Variants in VXN observed in about 807,000 individuals in gnomAD.
The protein encoded by VXN is vexin.
Under a neutral mutation model 23.1 loss-of-function variants are expected in VXN, and 7 were observed. The observed-to-expected ratio is 0.30, with a 90% CI of 0.17 to 0.57. VXN has a LOEUF of 0.57. Ranked by LOEUF, VXN falls within the 20% of genes least tolerant of loss-of-function variation. The pLI, the probability that VXN is intolerant of heterozygous loss-of-function variation, is 0.91. For synonymous variants in VXN, 120 were observed against 105.8 expected, an observed-to-expected ratio of 1.13 and a Z score of -0.83; for missense variants, 238 against 272.6, an observed-to-expected ratio of 0.87 and a Z score of 0.89.
chr8:66,503,207 A>G (rs1051882865), intron 2 of VXN, among the ~76,000 whole-genome samples: 2 of 152,172 alleles, frequency 1.3e-5, no homozygotes, highest in Admixed American at 1.3e-4. Context: ...GCACGAAACC[A>G]TGGTTCTCAT....
intron 1 of VXN, chr8:66,494,741 C>T (rs781331273): frequency 1.3e-5 from 2 of 152,192 alleles, no homozygotes; most frequent in African/African-American, 4.8e-5. Context: ...GGAATTCCCT[C>T]TGGAAACTCT....
intron 1 of VXN, among the ~76,000 whole-genome samples, chr8:66,494,005 T>C (rs1807597075): frequency 6.6e-6 from 1 of 152,140 alleles, no homozygotes; most frequent in Non-Finnish European, 1.5e-5. Context: ...CAGCAAGCCA[T>C]TGCTATGCAC....
intron 1 of VXN, chr8:66,494,515 G>A (rs1265604175): frequency 6.6e-6 from 1 of 152,402 alleles, no homozygotes; most frequent in African/African-American, 2.4e-5. Flanking sequence ...GAATGAAGTA[G>A]GCTGGGTGTT....
chr8:66,499,292 G>C (rs141698162), intron 2 of VXN, among the ~76,000 whole-genome samples: 1 of 149,558 alleles, frequency 6.7e-6, no homozygotes, highest in African/African-American at 2.5e-5. Context: ...GAGTGCAGTG[G>C]CGTGGTCTCG....
In VXN at chr8:66,502,081, A is replaced by G. The variant is rs932747513; in HGVS notation, c.127-3294A>G. Among the ~76,000 whole-genome samples, 3 of 152,202 alleles carry G rather than the reference A, an allele frequency of 2.0e-5. No homozygotes were observed. The East Asian group carries it at 5.8e-4, about 29-fold the overall frequency. ...CTTTCCTCCCTGAGCAATCCTTAAT[A>G]TCAGCTTTCCTTCTTCTCTGATTCC... is the stretch of plus-strand genomic sequence containing the variant. On this transcript the variant is annotated intron_variant, in intron 2 of 5. Coordinates refer to ENST00000305454, the MANE Select transcript of VXN (RefSeq NM_152765.4).
intron 4 of VXN, among the ~76,000 whole-genome samples, chr8:66,511,806 G>A (rs1586522236): frequency 6.6e-6 from 1 of 152,056 alleles, no homozygotes; most frequent in Admixed American, 6.6e-5. Context: ...GTGGCTCACA[G>A]CTGTAATCCC....
chr8:66,509,860 T>C lies in VXN; in HGVS notation c.281-236T>C, dbSNP rs530841257. Among the ~76,000 whole-genome samples the C allele has an allele frequency of 2.6e-5, 4 of 152,178 alleles. No homozygotes were observed. The East Asian group carries it at 5.8e-4, about 22-fold the overall frequency. On this transcript the variant is annotated intron_variant, in intron 3 of 5. Coordinates refer to ENST00000305454, the MANE Select transcript of VXN (RefSeq NM_152765.4). Reference sequence around the variant, plus strand: ...CCCCACCAGAGGGATATGTTTGTGATAGTCAATGAACCTACATAGACACAC... The same window carrying C: ...CCCCACCAGAGGGATATGTTTGTGACAGTCAATGAACCTACATAGACACAC...
chr8:66,511,551 A>T (rs1385910346), intron 4 of VXN, among the ~76,000 whole-genome samples: 1 of 152,242 alleles, frequency 6.6e-6, no homozygotes, highest in Non-Finnish European at 1.5e-5. Context: ...AGGGAAGATT[A>T]TCAGGCTATG....
intron 3 of VXN, among the ~76,000 whole-genome samples, chr8:66,506,154 G>C (rs1348701400): frequency 6.6e-6 from 1 of 151,990 alleles, no homozygotes; most frequent in African/African-American, 2.4e-5. Flanking sequence ...AATGCTGTGG[G>C]GGAGAGAAAA....
Position 66,517,681 on chromosome 8 carries a change from G to T in VXN, c.*1605G>T, listed in dbSNP as rs909411377. The stretch of plus-strand genomic sequence containing the variant: ...ATTTGTCATCTGTGGCCTAAACTCT[G>T]CCCCTGAAGGTTTGTTTTCTAATTC... On this transcript the variant is annotated 3_prime_UTR_variant, in exon 6 of 6. Transcript: ENST00000305454. The T allele has an allele frequency of 3.9e-5, 6 of 152,232 alleles. No homozygotes were observed. The highest frequency in any genetic ancestry group is 1.4e-4 in the African/African-American group (6 of 41,470). The allele number at this position is 152,232 out of a possible 1,614,324, so 9.4% of individuals were successfully genotyped here.
rs1807882950 is a variant in VXN, at chr8:66,515,931, C to G, written c.479C>G (p.Ala160Gly). The change falls in exon 6 of 6, where the codon GCC (alanine) becomes GGC (glycine). Residue 160 changes from alanine (A) to glycine (G), a missense_variant. Physicochemically the swap from Ala to Gly is moderately conservative, Grantham distance 60. This residue lies in a region of VXN where 223 missense variants were observed against 236.9 expected (regional missense o/e 0.94). Coordinates refer to ENST00000305454, the MANE Select transcript of VXN (RefSeq NM_152765.4). ...AAGAAGATGACTGAAGAGTATCCAG[C>G]CCTTCCCCAAGGAGCAGAAGCCTCT... is the stretch of plus-strand genomic sequence containing the variant. ...HLKKMTEEYPALPQGAEASLP... is the reference protein window; with the variant it reads ...HLKKMTEEYPGLPQGAEASLP... The G allele has an allele frequency of 6.2e-7, 1 of 1,612,974 alleles. No homozygotes were observed. The highest frequency in any genetic ancestry group is 8.5e-7 in the Non-Finnish European group (1 of 1,179,518).
chr8:66,512,084 G>T (rs866560749), intron 4 of VXN, among the ~76,000 whole-genome samples: 1 of 141,044 alleles, frequency 7.1e-6, no homozygotes, highest in Non-Finnish European at 1.5e-5. Flanking sequence ...AAAAAAAAAA[G>T]AATGAAGAGG....
chr8:66,497,576 C>A (rs1339124908), intron 2 of VXN, among the ~76,000 whole-genome samples: 2 of 152,182 alleles, frequency 1.3e-5, no homozygotes, highest in Admixed American at 6.5e-5. Context: ...ATATAAATTT[C>A]TTTACATAAA....
rs1292144890 is a variant in VXN at position 66,516,244 on chromosome 8, C to T, written c.*168C>T. ...GGATAGGGCACAGGAAAGAAATGTC[C>T]CTCGAAGGCAATATAAAACTGCCCC... On this transcript the variant is annotated 3_prime_UTR_variant, in exon 6 of 6. Transcript: ENST00000305454. 3.9e-6 allele frequency: 2 copies of T among 514,478 alleles called. No individual in the cohort carries two copies. Among genetic ancestry groups the T allele is most frequent in the Non-Finnish European group, 6.4e-6 (2 of 314,110 alleles). The allele number at this position is 514,478 out of a possible 1,614,324, so 31.9% of individuals were successfully genotyped here.
At chr8:66,505,227 G>C (rs1243135112) in intron 2 of VXN, 148 bp from the exon 3 acceptor site, 3 of 1,107,886 alleles carry the variant, frequency 2.7e-6, no homozygotes, top group Admixed American at 2.0e-5. Flanking sequence ...CCCAGATTTT[G>C]TCGCTGTTCC....
At chr8:66,493,814 G>A in intron 1 of VXN, 96 bp downstream of exon 1, 2 of 947,620 alleles carry the variant, frequency 2.1e-6, no homozygotes, top group East Asian at 2.5e-5. Flanking sequence ...TTATCCTCAG[G>A]TCTCTGGGGT....
chr8:66,510,332 G>A, intron 4 of VXN, 175 bp downstream of exon 4: 1 of 580,930 alleles, frequency 1.7e-6, no homozygotes, highest in Non-Finnish European at 3.0e-6. Flanking sequence ...GCCCTAATTT[G>A]TACCCTTGTG....
intron 1 of VXN, among the ~76,000 whole-genome samples, chr8:66,494,219 A>G (rs1048676350): frequency 2.0e-5 from 3 of 152,324 alleles, no homozygotes; most frequent in Non-Finnish European, 1.5e-5. Context: ...GCTTCTCCAC[A>G]GAACCCAGGG....
intron 1 of VXN, 152 bp downstream of exon 1, chr8:66,493,870 G>A (rs1807594209): frequency 4.7e-6 from 3 of 643,664 alleles, no homozygotes. Context: ...TTGGAGGGGG[G>A]AAAGAGGCAC....
Sources: allele counts gnomAD v4.1 joint callset (sites outside exome capture counted in the v4.1 genomes callset), GRCh38; gene constraint gnomAD v4.1.1; regional missense constraint gnomAD v4.1.1; transcripts MANE v1.5; gene names NCBI Gene and HGNC (gene_info 2026-07-23, HGNC 2026-07-21).